Variants in XYLT1 observed in about 807,000 individuals in gnomAD.
XYLT1 encodes the protein xylosyltransferase 1, also known as beta-D-xylosyltransferase 1.
XYLT1 carries 36 observed loss-of-function variants against 91.3 expected under a neutral mutation model. That is an observed-to-expected ratio of 0.39 (90% CI 0.30 to 0.52). The LOEUF (loss-of-function observed/expected upper bound fraction) is 0.52. Among genes scored for constraint, XYLT1 ranks in the 20% least tolerant of loss-of-function variants. XYLT1 has a pLI of 0.68. For missense variants in XYLT1, 1,242 were observed against 1,284.5 expected (o/e 0.97, Z 0.51); for synonymous variants, 588 against 532.0 (o/e 1.11, Z -1.45).
chr16:17,318,440 T>C (rs2034668630), intron 2 of XYLT1, among the ~76,000 whole-genome samples: 1 of 152,214 alleles, frequency 6.6e-6, no homozygotes, highest in Non-Finnish European at 1.5e-5. Context: ...ACTTCCTAAG[T>C]ATTACCAAGG....
chr16:17,334,949 C>T (rs1041130852), intron 2 of XYLT1, among the ~76,000 whole-genome samples: 2 of 151,978 alleles, frequency 1.3e-5, no homozygotes, highest in Non-Finnish European at 2.9e-5. Flanking sequence ...CTGGGCCAGG[C>T]GTGGTGGTTC....
At chr16:17,131,985 C>T (rs371058453) in intron 9 of XYLT1, among the ~76,000 whole-genome samples, 157 of 151,584 alleles carry the variant, frequency 1.0e-3, no homozygotes, top group Non-Finnish European at 1.8e-3. Context: ...ATTCCTGGCT[C>T]GAGGCAACGT....
At chr16:17,444,029 C>T (rs530417863) in intron 1 of XYLT1, among the ~76,000 whole-genome samples, 7 of 152,290 alleles carry the variant, frequency 4.6e-5, no homozygotes, top group East Asian at 1.9e-4. Flanking sequence ...GCACACTGGC[C>T]GTTCATCAAC....
intron 1 of XYLT1, among the ~76,000 whole-genome samples, chr16:17,374,730 A>G (rs781242724): frequency 2.3e-4 from 35 of 152,294 alleles, no homozygotes; most frequent in Middle Eastern, 3.4e-3. Context: ...AAAAAAATCA[A>G]TCTAGGTTAG....
chr16:17,125,652 A>G (rs1190236256), intron 10 of XYLT1, among the ~76,000 whole-genome samples: 36 of 152,158 alleles, frequency 2.4e-4, no homozygotes, highest in Admixed American at 1.0e-3. Flanking sequence ...CAATCATTCT[A>G]TTGAAGGTTG....
At chr16:17,192,092 CTTTTT>C (rs550488299) in intron 5 of XYLT1, among the ~76,000 whole-genome samples, 1 of 126,802 alleles carries the variant, frequency 7.9e-6, no homozygotes, top group African/African-American at 3.1e-5. Flanking sequence ...CTCTCTCTCT[CTTTTT>C]TTTTTTTTTT....
chr16:17,449,523 C>T (rs753368087), intron 1 of XYLT1, among the ~76,000 whole-genome samples: 11 of 152,202 alleles, frequency 7.2e-5, no homozygotes, highest in African/African-American at 9.7e-5. Context: ...GTTATGCACA[C>T]GGGCTTGTGG....
At chr16:17,142,534 A>G (rs113104674) in intron 6 of XYLT1, among the ~76,000 whole-genome samples, 39,198 of 149,288 alleles carry the variant, frequency 0.26, 5,690 homozygotes, top group East Asian at 0.59. Context: ...CCTGGGTTCA[A>G]GTGATTCTCC....
At chr16:17,342,586 G>T (rs988787075) in intron 2 of XYLT1, among the ~76,000 whole-genome samples, 1 of 152,150 alleles carries the variant, frequency 6.6e-6, no homozygotes, top group African/African-American at 2.4e-5. Flanking sequence ...GTTGGGCGAG[G>T]TGGCGCGTGC....
chr16:17,324,907 T>C (rs56051378), intron 2 of XYLT1, among the ~76,000 whole-genome samples: 1 of 152,228 alleles, frequency 6.6e-6, no homozygotes, highest in Non-Finnish European at 1.5e-5. Flanking sequence ...AAGTTATTTT[T>C]AAATGAATAT....
chr16:17,452,965 C>T (rs776280044), intron 1 of XYLT1, among the ~76,000 whole-genome samples: 1 of 152,084 alleles, frequency 6.6e-6, no homozygotes, highest in Non-Finnish European at 1.5e-5. Context: ...CAGAAAAAGA[C>T]AACCTATTAA....
intron 3 of XYLT1, among the ~76,000 whole-genome samples, chr16:17,204,664 T>G (rs939272619): frequency 6.6e-6 from 1 of 152,150 alleles, no homozygotes; most frequent in Non-Finnish European, 1.5e-5. Context: ...CTATCAAAAC[T>G]GCTATGAAAA....
At position 17,134,723 on chromosome 16, in the gene XYLT1, G is replaced by C; in HGVS notation, c.1777C>G (p.Pro593Ala). The C allele has an allele frequency of 6.2e-7, 1 of 1,614,178 alleles. No individual in the cohort carries two copies. The highest frequency in any genetic ancestry group is 2.2e-5 in the East Asian group (1 of 44,876). Residue 593 changes from proline to alanine, a missense_variant, in exon 9 of 12, where the codon CCT becomes GCT. Around this residue, in one of 3 missense-constraint regions of XYLT1, gnomAD observed 511 missense variants for 497.0 expected, o/e 1.03. Transcript: ENST00000261381. Reference sequence around the variant, plus strand: ...TCAAACTTGCGGGCAAAGAAGGTAGGCCGGGCTGTCTGCTGTACTCATGGG... The same window carrying C: ...TCAAACTTGCGGGCAAAGAAGGTAGCCCGGGCTGTCTGCTGTACTCATGGG... ...DFHRFQQTAR[P>A]TFFARKFEAV...
intron 1 of XYLT1, among the ~76,000 whole-genome samples, chr16:17,423,990 T>C (rs961726276): frequency 3.9e-5 from 6 of 152,164 alleles, no homozygotes; most frequent in African/African-American, 9.7e-5. Flanking sequence ...TGGGAACCTA[T>C]AGGACCGTGG....
rs903986053 is a variant in XYLT1, at chr16:17,108,403, G to A, written c.*292C>T. ...GAAAATCACACGTCTGGGGTCAGGG[G>A]TGGGTCACTGGAAGGGGAAGACAAG... On this transcript the variant is annotated 3_prime_UTR_variant, in exon 12 of 12. Transcript: ENST00000261381. The A allele has an allele frequency of 3.1e-5, 11 of 355,462 alleles. No individual in the cohort carries two copies. The highest frequency in any genetic ancestry group is 2.3e-4 in the South Asian group (2 of 8,582). 22.0% of individuals were successfully genotyped at this position (355,462 alleles called of 1,614,324 possible).
At chr16:17,430,674 C>T (rs998365508) in intron 1 of XYLT1, among the ~76,000 whole-genome samples, 7 of 152,020 alleles carry the variant, frequency 4.6e-5, no homozygotes, top group Admixed American at 1.3e-4. Context: ...TCTTTTTTTC[C>T]CCACCCTAAT....
intron 9 of XYLT1, among the ~76,000 whole-genome samples, chr16:17,131,290 T>C (rs960155585): frequency 3.3e-5 from 5 of 152,202 alleles, no homozygotes; most frequent in African/African-American, 9.6e-5. Flanking sequence ...ATGAAAACTG[T>C]TAATGTCTCA....
At chr16:17,444,903 G>A (rs2036574403) in intron 1 of XYLT1, among the ~76,000 whole-genome samples, 1 of 152,148 alleles carries the variant, frequency 6.6e-6, no homozygotes, top group African/African-American at 2.4e-5. Context: ...TCATTGATGT[G>A]TCCCTAGAAC....
In XYLT1 at chr16:17,312,570, G is replaced by A. The variant is rs1240944743; in HGVS notation, c.402+45442C>T. ...AATGGTGACATCTTATGTAACTGCA[G>A]TGCAATATTAAAACCAGGCAATTCA... On this transcript the variant is annotated intron_variant, in intron 2 of 11. Transcript: ENST00000261381. The surrounding 1 kb of genome is among the most constrained non-coding windows in gnomAD (Gnocchi z 4.4). Among the ~76,000 whole-genome samples the A allele has an allele frequency of 6.6e-6, 1 of 152,184 alleles. No homozygotes were observed. The highest frequency in any genetic ancestry group is 2.4e-5 in the African/African-American group (1 of 41,446).
Sources: allele counts gnomAD v4.1 joint callset (sites outside exome capture counted in the v4.1 genomes callset), GRCh38; gene constraint gnomAD v4.1.1; regional missense constraint gnomAD v4.1.1; non-coding constraint Gnocchi (gnomAD v3.1); transcripts MANE v1.5; gene names NCBI Gene and HGNC (gene_info 2026-07-23, HGNC 2026-07-21).